EGLN1: variants seen among roughly 807,000 people sequenced by gnomAD.
EGLN1 encodes the protein egl-9 family hypoxia inducible factor 1, also known as egl nine homolog 1.
EGLN1 carries 17 observed loss-of-function variants against 38.3 expected under a neutral mutation model. The observed-to-expected ratio is 0.44, with a 90% CI of 0.30 to 0.67. EGLN1 has a LOEUF of 0.67. Ranked by LOEUF, EGLN1 falls within the 30% of genes least tolerant of loss-of-function variation. The pLI is 0.08. For missense variants in EGLN1, 477 were observed against 603.3 expected (o/e 0.79, Z 2.19); for synonymous variants, 283 against 257.5 (o/e 1.10, Z -0.95).
chr1:231,395,044 T>C (rs554421871), intron 1 of EGLN1, among the ~76,000 whole-genome samples: 39 of 152,312 alleles, frequency 2.6e-4, no homozygotes, highest in African/African-American at 8.9e-4. Flanking sequence ...TCTTCATGTC[T>C]TCCAACAAAC....
At chr1:231,391,429 A>G (rs1209402065) in intron 1 of EGLN1, among the ~76,000 whole-genome samples, 4 of 151,370 alleles carry the variant, frequency 2.6e-5, no homozygotes, top group Non-Finnish European at 4.4e-5. Context: ...GGAATCCCAA[A>G]GGACAAAAAG....
In EGLN1 at chr1:231,395,595, T is replaced by C. The variant is rs1572036904; in HGVS notation, c.892-21496A>G. On this transcript the variant is annotated intron_variant, in intron 1 of 4. Transcript: ENST00000366641. ...CTGAAAATCCAGCTTCCCAAAGGTA[T>C]GACATCACTGAAAGGAATGCAGTGA... Among the ~76,000 whole-genome samples the C allele has an allele frequency of 3.3e-5, 5 of 152,336 alleles. No homozygotes were observed. In the East Asian group the frequency reaches 9.6e-4, roughly 29 times the overall value.
chr1:231,416,810 G>A (rs988130262), intron 1 of EGLN1, among the ~76,000 whole-genome samples: 2 of 152,194 alleles, frequency 1.3e-5, no homozygotes, highest in Admixed American at 6.5e-5. Flanking sequence ...CAGTCCACAC[G>A]TCCCTTATAG....
At chr1:231,396,895 A>G (rs1688543355) in intron 1 of EGLN1, among the ~76,000 whole-genome samples, 1 of 152,104 alleles carries the variant, frequency 6.6e-6, no homozygotes, top group African/African-American at 2.4e-5. Context: ...CAATCAAATC[A>G]AACCTTCTTG....
At chr1:231,368,508 T>A (rs1369655429) in intron 3 of EGLN1, among the ~76,000 whole-genome samples, 1 of 152,228 alleles carries the variant, frequency 6.6e-6, no homozygotes, top group Non-Finnish European at 1.5e-5. Context: ...AATATTTCAT[T>A]CCACCAATAA....
intron 1 of EGLN1, among the ~76,000 whole-genome samples, chr1:231,379,716 A>G (rs1024695952): frequency 2.6e-5 from 4 of 152,174 alleles, no homozygotes; most frequent in African/African-American, 9.7e-5. Context: ...GTGGGAGGAA[A>G]CTGGAGCACC....
At position 231,374,073 on chromosome 1, in the gene EGLN1, A is replaced by G; in HGVS notation, c.918T>C (p.Asn306=). The G allele has an allele frequency of 6.2e-7, 1 of 1,613,720 alleles. No homozygotes were observed. The highest frequency in any genetic ancestry group is 8.5e-7 in the Non-Finnish European group (1 of 1,179,660). The change falls in exon 2 of 5, where the codon AAT becomes AAC. Residue 306 remains asparagine (N), a synonymous_variant. Coordinates refer to ENST00000366641, the MANE Select transcript of EGLN1 (RefSeq NM_022051.3). ...TKAMVACYPG[N]GTGYVRHVDN... is the part of the protein sequence containing the mutation. The stretch of plus-strand genomic sequence containing the variant: ...CAACATGACGTACATAACCCGTTCC[A>G]TTGCCCGGATAACAAGCAACCATGG...
At chr1:231,414,828 C>T (rs745481259) in intron 1 of EGLN1, among the ~76,000 whole-genome samples, 4 of 151,296 alleles carry the variant, frequency 2.6e-5, no homozygotes, top group Non-Finnish European at 5.9e-5. Context: ...CTCTACCTCC[C>T]AGGCTCAAGC....
chr1:231,389,006 C>T (rs1021323179), intron 1 of EGLN1, among the ~76,000 whole-genome samples: 1 of 152,110 alleles, frequency 6.6e-6, no homozygotes, highest in Non-Finnish European at 1.5e-5. Flanking sequence ...ATAAAGGAAT[C>T]TTATTAATGT....
chr1:231,373,048 C>T (rs1687868626), intron 2 of EGLN1, among the ~76,000 whole-genome samples: 1 of 152,024 alleles, frequency 6.6e-6, no homozygotes, highest in Non-Finnish European at 1.5e-5. Context: ...TCTGTACAGT[C>T]TCTAGTGTAG....
chr1:231,379,425 A>G (rs1688029520), intron 1 of EGLN1, among the ~76,000 whole-genome samples: 1 of 152,248 alleles, frequency 6.6e-6, no homozygotes, highest in Admixed American at 6.5e-5. Flanking sequence ...CAAACTTCTA[A>G]ATAAAGACCA....
chr1:231,417,226 TTAAC>T (rs3071892), intron 1 of EGLN1, among the ~76,000 whole-genome samples: 22,946 of 152,082 alleles, frequency 0.15, 2,105 homozygotes, highest in African/African-American at 0.25. Context: ...ACCTAACTAA[TTAAC>T]TACAGTAATA....
chr1:231,367,541 A>G, intron 4 of EGLN1, 28 bp downstream of exon 4: 2 of 1,611,900 alleles, frequency 1.2e-6, no homozygotes, highest in Non-Finnish European at 1.7e-6. Flanking sequence ...TTCTGTACCA[A>G]TATATCCTGG....
At chr1:231,403,559 T>C (rs562269855) in intron 1 of EGLN1, among the ~76,000 whole-genome samples, 43 of 151,794 alleles carry the variant, frequency 2.8e-4, no homozygotes, top group South Asian at 1.9e-3. Flanking sequence ...TCACCTGAGG[T>C]TGGGAGTTCA....
intron 1 of EGLN1, among the ~76,000 whole-genome samples, chr1:231,377,959 T>C (rs1687998979): frequency 6.6e-6 from 1 of 152,242 alleles, no homozygotes; most frequent in African/African-American, 2.4e-5. Context: ...ATAAATTTAA[T>C]GTAATTGTGT....
At chr1:231,367,410 T>G (rs918828664) in intron 4 of EGLN1, among the ~76,000 whole-genome samples, 159 bp downstream of exon 4, 1 of 152,206 alleles carries the variant, frequency 6.6e-6, no homozygotes, top group African/African-American at 2.4e-5. Context: ...TGAAGATGAC[T>G]TATGTCTTCT....
chr1:231,366,101 G>A lies in EGLN1; in HGVS notation c.*310C>T. On this transcript the variant is annotated 3_prime_UTR_variant, in exon 5 of 5. Coordinates refer to ENST00000366641, the MANE Select transcript of EGLN1 (RefSeq NM_022051.3). ...ATGAAATGAACTCAGCTAGATAACA[G>A]ATCTGGCAAAATATAAGAATGAAAA... 1 of 385,376 alleles carries A rather than the reference G, an allele frequency of 2.6e-6. No homozygotes were observed. Among genetic ancestry groups the A allele is most frequent in the Non-Finnish European group, 4.7e-6 (1 of 213,598 alleles). The allele number at this position is 385,376 out of a possible 1,614,324, so 23.9% of individuals were successfully genotyped here.
chr1:231,391,847 A>T (rs1221675602), intron 1 of EGLN1, among the ~76,000 whole-genome samples: 2 of 152,232 alleles, frequency 1.3e-5, no homozygotes, highest in Non-Finnish European at 1.5e-5. Flanking sequence ...ATTAACAAAA[A>T]TATTTCCATA....
In EGLN1 at chr1:231,421,304, G is replaced by A. The variant is rs1467879744; in HGVS notation, c.585C>T (p.Leu195=). 2 of 1,612,788 alleles carry A rather than the reference G, an allele frequency of 1.2e-6. No individual in the cohort carries two copies. The highest frequency in any genetic ancestry group is 1.7e-6 in the Non-Finnish European group (2 of 1,179,826). The change falls in exon 1 of 5, where the codon CTC becomes CTT. Residue 195 remains leucine (L), a synonymous_variant. Coordinates refer to ENST00000366641, the MANE Select transcript of EGLN1 (RefSeq NM_022051.3). The surrounding 1 kb of genome is among the most constrained non-coding windows in gnomAD (Gnocchi z 5.5). ...TGTTCATGCACGGCACGATGTACTC[G>A]AGCGCCAGCTTCAGCGCCGGCAGGG... is the stretch of plus-strand genomic sequence containing the variant. The part of the protein sequence containing the change: ...TKPLPALKLA[L]EYIVPCMNKH...
Sources: allele counts gnomAD v4.1 joint callset (sites outside exome capture counted in the v4.1 genomes callset), GRCh38; gene constraint gnomAD v4.1.1; non-coding constraint Gnocchi (gnomAD v3.1); transcripts MANE v1.5; gene names NCBI Gene and HGNC (gene_info 2026-07-23, HGNC 2026-07-21).